The following DMXL2 variants were observed in gnomAD, a reference collection of about 807,000 sequenced individuals.
The protein encoded by DMXL2 is dmX-like protein 2.
DMXL2 carries 103 observed loss-of-function variants against 331.1 expected under a neutral mutation model. That is an observed-to-expected ratio of 0.31 (90% confidence interval 0.27 to 0.37). The LOEUF is 0.37. Among genes scored for constraint, DMXL2 ranks in the 10% least tolerant of loss-of-function variants. The pLI is 1.00. For missense variants in DMXL2, 3,171 were observed against 3,642.9 expected (o/e 0.87, Z 3.33); for synonymous variants, 1,281 against 1,252.1 (o/e 1.02, Z -0.49).
intron 13 of DMXL2, among the ~76,000 whole-genome samples, chr15:51,520,008 A>G (rs1362017885): frequency 2.0e-5 from 3 of 152,172 alleles, no homozygotes; most frequent in Non-Finnish European, 4.4e-5. Context: ...GCAGAGCAAA[A>G]TCATAAAGAA....
intron 7 of DMXL2, among the ~76,000 whole-genome samples, chr15:51,546,673 T>G (rs2048908748): frequency 1.3e-5 from 2 of 152,134 alleles, no homozygotes; most frequent in South Asian, 2.1e-4. Context: ...GCCACAATGA[T>G]GAGGAAAAAA....
At chr15:51,577,448 A>G (rs12592390) in intron 1 of DMXL2, among the ~76,000 whole-genome samples, 39,281 of 152,134 alleles carry the variant, frequency 0.26, 5,449 homozygotes, top group East Asian at 0.47. Flanking sequence ...TAAAAATCAA[A>G]AAGTTCACCA....
At chr15:51,610,385 T>C (rs1461825820) in intron 1 of DMXL2, among the ~76,000 whole-genome samples, 2 of 152,132 alleles carry the variant, frequency 1.3e-5, no homozygotes, top group East Asian at 3.8e-4. Flanking sequence ...TTTTAGGAGA[T>C]TTAAAGAACA....
intron 22 of DMXL2, 29 bp from the exon 23 acceptor site, chr15:51,486,366 T>C: frequency 2.1e-6 from 3 of 1,437,296 alleles, no homozygotes; most frequent in Non-Finnish European, 2.9e-6. Flanking sequence ...ATACTTATCT[T>C]ACTTAATGAT....
At chr15:51,551,744 G>T (rs776322883) in intron 6 of DMXL2, among the ~76,000 whole-genome samples, 1 of 152,166 alleles carries the variant, frequency 6.6e-6, no homozygotes, top group African/African-American at 2.4e-5. Flanking sequence ...TGAATGGCTG[G>T]GGATATAGCT....
intron 28 of DMXL2, among the ~76,000 whole-genome samples, chr15:51,472,508 A>C (rs899322863): frequency 1.8e-4 from 27 of 152,264 alleles, no homozygotes; most frequent in African/African-American, 6.5e-4. Flanking sequence ...ACACTATACC[A>C]AATAAGCAGT....
chr15:51,574,905 C>T (rs557312595), intron 2 of DMXL2, among the ~76,000 whole-genome samples: 1 of 152,156 alleles, frequency 6.6e-6, no homozygotes, highest in East Asian at 1.9e-4. Flanking sequence ...CCTCTGACAA[C>T]TATCATACAA....
Position 51,476,640 on chromosome 15 carries a change from C to G in DMXL2, c.6913G>C (p.Glu2305Gln). 1 of 1,611,960 alleles carries G rather than the reference C, an allele frequency of 6.2e-7. No individual in the cohort carries two copies. The highest frequency in any genetic ancestry group is 8.5e-7 in the Non-Finnish European group (1 of 1,179,254). The change falls in exon 27 of 44, where the codon GAA becomes CAA. Residue 2305 changes from glutamate (E) to glutamine (Q), a missense_variant. Around this residue, in one of 7 missense-constraint regions of DMXL2, gnomAD observed 766 missense variants for 940.5 expected, o/e 0.81. Coordinates refer to ENST00000560891, the MANE Select transcript of DMXL2 (RefSeq NM_001378457.1). ...GGTGTTGCGTGTTCTTCAATGCTTT[C>G]TGTCCTTAGTCTTCTACGATCACTT... The part of the protein sequence containing the change: ...LLSDRRRLRT[E>Q]SIEEHATPNS...
chr15:51,556,356 A>G (rs200392009), intron 6 of DMXL2, among the ~76,000 whole-genome samples: 76 of 6,166 alleles, frequency 0.012, no homozygotes, highest in East Asian at 0.33. Context: ...AAAAAAAAAG[A>G]AAAAAAAAAA....
At chr15:51,546,013 T>A (rs1327761851) in intron 7 of DMXL2, among the ~76,000 whole-genome samples, 4 of 152,076 alleles carry the variant, frequency 2.6e-5, no homozygotes, top group African/African-American at 9.7e-5. Context: ...ATTATTAGTA[T>A]CTCCTAAACA....
In DMXL2 at chr15:51,536,859, A is replaced by C; in HGVS notation, c.1621T>G (p.Ser541Ala). 1.3e-6 allele frequency: 2 copies of C among 1,592,214 alleles called. No individual in the cohort carries two copies. Among genetic ancestry groups the C allele is most frequent in the South Asian group, 2.3e-5 (2 of 87,360 alleles). Residue 541 changes from serine (S) to alanine (A), a missense_variant, in exon 12 of 44, where the codon TCT becomes GCT. By Grantham distance (99) the Ser-to-Ala change is moderately conservative. Transcript: ENST00000560891. ...GCAACAGGAATCCGAGAAGAAAAAG[A>C]AACCTGAAAAACATAATTATATGAT... ...NPGIFRQVQV[S>A]FSSRIPVAFP...
chr15:51,451,299 TGAG>T (rs2039114416), intron 42 of DMXL2, among the ~76,000 whole-genome samples: 1 of 152,214 alleles, frequency 6.6e-6, no homozygotes, highest in African/African-American at 2.4e-5. Flanking sequence ...TATTTTATGA[TGAG>T]GTTTAATTCT....
At chr15:51,480,230 A>G in intron 24 of DMXL2, 91 bp from the exon 25 acceptor site, 1 of 1,272,440 alleles carries the variant, frequency 7.9e-7, no homozygotes, top group Non-Finnish European at 1.1e-6. Flanking sequence ...CATTGTGTAA[A>G]GGGAATATGT....
Position 51,481,611 on chromosome 15 carries a change from G to A in DMXL2, c.5495C>T (p.Ser1832Phe). The A allele has an allele frequency of 6.4e-7, 1 of 1,552,412 alleles. No individual in the cohort carries two copies. Among genetic ancestry groups the A allele is most frequent in the Non-Finnish European group, 8.7e-7 (1 of 1,153,208 alleles). Residue 1832 changes from serine to phenylalanine, a missense_variant, in exon 24 of 44, where the codon TCT becomes TTT. Around this residue, in one of 7 missense-constraint regions of DMXL2, gnomAD observed 244 missense variants for 251.4 expected, o/e 0.97. Coordinates refer to ENST00000560891, the MANE Select transcript of DMXL2 (RefSeq NM_001378457.1). ...AAAACTAAATGCCACCGGGTTACAA[G>A]ACTTGATGATAACTATAGAAATCAA... is the stretch of plus-strand genomic sequence containing the variant. ...EDDEHQVIIKSCNPVAFSFYN... is the reference protein window; with the variant it reads ...EDDEHQVIIKFCNPVAFSFYN...
chr15:51,505,572 T>A (rs1003901627), intron 16 of DMXL2, among the ~76,000 whole-genome samples: 144 of 152,178 alleles, frequency 9.5e-4, no homozygotes, highest in Non-Finnish European at 1.6e-3. Context: ...TCAAACAACA[T>A]ATAATGCAAA....
At position 51,479,928 on chromosome 15, in the gene DMXL2, G is replaced by A; in HGVS notation, c.6756+20C>T. On this transcript the variant is annotated intron_variant, in intron 25 of 43. Transcript: ENST00000560891. ...CTTCTCAGGGTGTATAATATCAAAT[G>A]ATCATAAACTTTACATTACCTTCAC... 2 of 1,453,350 alleles carry A rather than the reference G, an allele frequency of 1.4e-6. No homozygotes were observed. Among genetic ancestry groups the A allele is most frequent in the Non-Finnish European group, 1.8e-6 (2 of 1,086,898 alleles). 90.0% of individuals were successfully genotyped at this position (1,453,350 alleles called of 1,614,324 possible).
At chr15:51,454,049 G>T (rs2039395362) in intron 40 of DMXL2, 1 of 170,958 alleles carries the variant, frequency 5.8e-6, no homozygotes, top group Non-Finnish European at 1.2e-5. Flanking sequence ...AAAATATAAT[G>T]CATGTTTTTC....
At chr15:51,608,879 G>T (rs1052811401) in intron 1 of DMXL2, among the ~76,000 whole-genome samples, 1 of 152,214 alleles carries the variant, frequency 6.6e-6, no homozygotes, top group African/African-American at 2.4e-5. Flanking sequence ...CAAATGGAAT[G>T]TAAGAGAGGA....
chr15:51,459,190 A>G (rs1480261773), intron 34 of DMXL2: 3 of 195,236 alleles, frequency 1.5e-5, no homozygotes, highest in African/African-American at 2.3e-5. Context: ...ACCGCAAAGA[A>G]ACCACCCTTT....
Sources: gnomAD v4.1 joint callset for allele counts (sites outside exome capture counted in the v4.1 genomes callset) on GRCh38, gnomAD v4.1.1 for gene constraint, gnomAD v4.1.1 regional missense constraint, MANE v1.5 for transcripts, NCBI Gene and HGNC (gene_info 2026-07-23, HGNC 2026-07-21) for gene names.